The following RAD51C variants were observed in gnomAD, a reference collection of about 807,000 sequenced individuals.
RAD51C encodes DNA repair protein RAD51 homolog 3.
RAD51C carries 42 observed loss-of-function variants against 45.0 expected under a neutral mutation model. The observed-to-expected ratio is 0.93, with a 90% CI of 0.73 to 1.21. RAD51C has a LOEUF of 1.21. Among genes scored for constraint, RAD51C ranks in the 50% most tolerant of loss-of-function variants. RAD51C has a pLI of 0.00. For synonymous variants in RAD51C, 172 were observed against 159.8 expected, an observed-to-expected ratio of 1.08 and a Z score of -0.58; for missense variants, 474 against 452.2, an observed-to-expected ratio of 1.05 and a Z score of -0.44.
intron 8 of RAD51C, 141 bp downstream of exon 8, chr17:58,732,685 C>A: frequency 2.6e-6 from 2 of 771,898 alleles, no homozygotes; most frequent in South Asian, 1.4e-5. Context: ...GAACATTGTC[C>A]CCAAAATAGT....
intron 7 of RAD51C, among the ~76,000 whole-genome samples, chr17:58,726,403 G>GTA (rs200957536): frequency 0.017 from 2,431 of 143,246 alleles, 91 homozygotes; most frequent in African/African-American, 0.061. Flanking sequence ...GTATATATGT[G>GTA]TATATATATA....
At chr17:58,699,258 G>A (rs1280759528) in intron 3 of RAD51C, among the ~76,000 whole-genome samples, 1 of 151,954 alleles carries the variant, frequency 6.6e-6, no homozygotes, top group African/African-American at 2.4e-5. Context: ...TTCCCGCCTC[G>A]GCCTCCCAAA....
At chr17:58,707,364 C>CA (rs1217558162) in intron 4 of RAD51C, among the ~76,000 whole-genome samples, 2 of 151,932 alleles carry the variant, frequency 1.3e-5, no homozygotes, top group Non-Finnish European at 2.9e-5. Context: ...ACTAAAAATA[C>CA]AAAAAAATTA....
intron 3 of RAD51C, chr17:58,700,247 T>C (rs943714014): frequency 6.6e-6 from 1 of 152,160 alleles, no homozygotes; most frequent in Non-Finnish European, 1.5e-5. Flanking sequence ...CTTTCTCTTG[T>C]TAATCCATCT....
intron 5 of RAD51C, among the ~76,000 whole-genome samples, chr17:58,719,597 G>C (rs889979368): frequency 1.3e-5 from 2 of 152,042 alleles, no homozygotes; most frequent in Non-Finnish European, 2.9e-5. Flanking sequence ...GGAGGATCAT[G>C]TGAGTCTAGG....
In RAD51C at chr17:58,734,573, T is replaced by A; in HGVS notation, c.*351T>A. 1 of 265,708 alleles carries A rather than the reference T, an allele frequency of 3.8e-6. No homozygotes were observed. The allele number at this position is 265,708 out of a possible 1,614,324, so 16.5% of individuals were successfully genotyped here. On this transcript the variant is annotated 3_prime_UTR_variant, in exon 9 of 9. Transcript: ENST00000337432. ...CTATAAAATCTTAGGAAGAAACATA[T>A]CATATTCTTATTGTGTTTTTTTTTT...
chr17:58,697,005 T>C (rs754357086), intron 3 of RAD51C, 146 bp downstream of exon 3: 8 of 1,024,866 alleles, frequency 7.8e-6, no homozygotes, highest in Non-Finnish European at 1.1e-5. Flanking sequence ...TTACTACTGT[T>C]ACAAAATGAG....
intron 4 of RAD51C, among the ~76,000 whole-genome samples, chr17:58,703,573 A>G (rs1032650623): frequency 2.0e-5 from 3 of 152,230 alleles, no homozygotes; most frequent in Admixed American, 2.0e-4. Context: ...TAATAGTGGA[A>G]TAGCTCCTAT....
At chr17:58,702,664 G>A (rs1418869333) in intron 3 of RAD51C, among the ~76,000 whole-genome samples, 2 of 150,736 alleles carry the variant, frequency 1.3e-5, no homozygotes, top group African/African-American at 4.9e-5. Flanking sequence ...CTGCACTCCA[G>A]CCTGGGTGAC....
chr17:58,715,793 G>A (rs959232816), intron 5 of RAD51C, among the ~76,000 whole-genome samples: 1 of 152,118 alleles, frequency 6.6e-6, no homozygotes, highest in Non-Finnish European at 1.5e-5. Flanking sequence ...ATAATTTCAA[G>A]TGATTGTTAC....
At chr17:58,695,806 C>G (rs1163285904) in intron 2 of RAD51C, among the ~76,000 whole-genome samples, 1 of 151,856 alleles carries the variant, frequency 6.6e-6, no homozygotes, top group Non-Finnish European at 1.5e-5. Context: ...GTGGCTCACA[C>G]CTGTAATCCC....
At chr17:58,712,558 C>T (rs1260271281) in intron 5 of RAD51C, among the ~76,000 whole-genome samples, 1 of 152,026 alleles carries the variant, frequency 6.6e-6, no homozygotes, top group Non-Finnish European at 1.5e-5. Flanking sequence ...TGGTGGCTCA[C>T]GCCTGTAATC....
chr17:58,732,221 TATCTC>T (rs1258017126), intron 7 of RAD51C: 2 of 359,406 alleles, frequency 5.6e-6, no homozygotes, highest in Non-Finnish European at 1.0e-5. Flanking sequence ...GCATAAGTAA[TATCTC>T]ATCATATGTA....
At chr17:58,694,889 A>G in intron 1 of RAD51C, 42 bp from the exon 2 acceptor site, 1 of 1,501,380 alleles carries the variant, frequency 6.7e-7, no homozygotes, top group Non-Finnish European at 9.3e-7. Context: ...ACACTTTTAA[A>G]TCTCTAAAAT....
chr17:58,694,625 C>A, intron 1 of RAD51C: 1 of 363,884 alleles, frequency 2.7e-6, no homozygotes, highest in Admixed American at 3.9e-5. Flanking sequence ...ATAACGCGTG[C>A]CACCATGCCC....
chr17:58,733,554 A>G (rs1404603063), intron 8 of RAD51C, among the ~76,000 whole-genome samples: 1 of 152,146 alleles, frequency 6.6e-6, no homozygotes, highest in Non-Finnish European at 1.5e-5. Context: ...GTTTGTTAGG[A>G]TTGACCTTTA....
At chr17:58,715,175 G>T (rs1355970499) in intron 5 of RAD51C, among the ~76,000 whole-genome samples, 1 of 151,686 alleles carries the variant, frequency 6.6e-6, no homozygotes, top group Non-Finnish European at 1.5e-5. Flanking sequence ...TTTTCAGCTG[G>T]GTGCAATAGC....
intron 6 of RAD51C, among the ~76,000 whole-genome samples, chr17:58,723,829 C>T (rs560048834): frequency 1.3e-5 from 2 of 151,884 alleles, no homozygotes; most frequent in African/African-American, 4.8e-5. Context: ...TTTCTAAAAG[C>T]AAATAGAGAA....
chr17:58,719,518 T>TA (rs1036693624), intron 5 of RAD51C, among the ~76,000 whole-genome samples: 7 of 150,480 alleles, frequency 4.7e-5, no homozygotes, highest in African/African-American at 7.3e-5. Flanking sequence ...CCCTGTCTCT[T>TA]AAAAAAAAAG....
Sources: gnomAD v4.1 joint callset for allele counts (sites outside exome capture counted in the v4.1 genomes callset) on GRCh38, gnomAD v4.1.1 for gene constraint, MANE v1.5 for transcripts, NCBI Gene and HGNC (gene_info 2026-07-23, HGNC 2026-07-21) for gene names.